ADGRG1: variants seen among roughly 807,000 people sequenced by gnomAD.
ADGRG1 encodes the protein 7-transmembrane protein with no EGF-like N-terminal domains-1.
Under a neutral mutation model 73.5 loss-of-function variants are expected in ADGRG1, and 53 were observed. That is an observed-to-expected ratio of 0.72 (90% CI 0.58 to 0.91). ADGRG1 has a LOEUF of 0.91. ADGRG1 is among the 40% of genes least tolerant of loss of function. The pLI, the probability that ADGRG1 is intolerant of heterozygous loss-of-function variation, is 0.00. For missense variants in ADGRG1, 795 were observed against 871.8 expected, an observed-to-expected ratio of 0.91 and a Z score of 1.11; for synonymous variants, 394 against 374.4, an observed-to-expected ratio of 1.05 and a Z score of -0.60.
chr16:57,655,143 A>G (rs2045349423), intron 5 of ADGRG1: 4 of 985,264 alleles, frequency 4.1e-6, no homozygotes, highest in African/African-American at 3.5e-5. Flanking sequence ...GCCCCAGACA[A>G]CAGAACATCA....
Position 57,628,955 on chromosome 16 carries a change from AGT to A in ADGRG1, c.-36+159_-36+160del, listed in dbSNP as rs1165432523. On this transcript the variant is annotated intron_variant, in intron 1 of 13. Coordinates refer to ENST00000562631, the MANE Select transcript of ADGRG1 (RefSeq NM_201525.4). ...GTGAGTGTGAGCGTGAGAGTGTGAGAGTGTGTGAGTGTGAGTGTGTGAGAGTG... is the reference window on the plus strand; with the variant it reads ...GTGAGTGTGAGCGTGAGAGTGTGAGAGTGTGAGTGTGAGTGTGTGAGAGTG... 4.3e-4 allele frequency: 263 copies of A among 613,634 alleles called. 8 individuals carry two copies. The African/African-American group carries it at 4.7e-3, about 11-fold the overall frequency. The allele number at this position is 613,634 out of a possible 1,614,324, so 38.0% of individuals were successfully genotyped here. A position where few individuals can be genotyped will look rare whatever the true frequency, so the allele number is the denominator to read the frequency against.
rs775208413 is a variant in ADGRG1, at chr16:57,651,311, A to G, written c.176A>G (p.Glu59Gly). 3.7e-6 allele frequency: 6 copies of G among 1,614,054 alleles called. No individual in the cohort carries two copies. In the African/African-American group the frequency reaches 8.0e-5, roughly 22 times the overall value. The change falls in exon 3 of 14, where the codon GAG becomes GGG. Residue 59 changes from glutamate to glycine, a missense_variant. Coordinates refer to ENST00000562631, the MANE Select transcript of ADGRG1 (RefSeq NM_201525.4). ...KPTPDLRISI[E>G]NSEEALTVHA... The stretch of plus-strand genomic sequence containing the variant: ...ACACCAGACCTGCGCATCTCCATCG[A>G]GAACTCCGAAGAGGCCCTCACAGTC...
chr16:57,632,176 C>T, intron 1 of ADGRG1: 4 of 985,470 alleles, frequency 4.1e-6, no homozygotes, highest in Non-Finnish European at 4.8e-6. Flanking sequence ...AGAATTTGGG[C>T]TCTTGTCCCT....
At chr16:57,628,571 C>T (rs2036370823), upstream of ADGRG1, 2 of 985,406 alleles carry the variant, frequency 2.0e-6, no homozygotes, top group African/African-American at 1.7e-5. Context: ...GAGGGAGGAG[C>T]CCAGCTGGGG....
chr16:57,626,342 C>CATAACAGATAGTGTTGTGTTT (rs2035817003), upstream of ADGRG1, among the ~76,000 whole-genome samples: 1 of 152,226 alleles, frequency 6.6e-6, no homozygotes, highest in Non-Finnish European at 1.5e-5. Context: ...TATCAGCACT[C>CATAACAGATAGTGTTGTGTTT]ATAACAGATA....
chr16:57,647,027 G>T lies in ADGRG1; in HGVS notation c.-35-3226G>T, dbSNP rs1288747005. On this transcript the variant is annotated intron_variant, in intron 1 of 13. Transcript: ENST00000562631. ...GGCAGAGACAGGTCAGGTCCCAGGGGTCTGTGCGGAGACTCATGCTACATC... is the reference window on the plus strand; with the variant it reads ...GGCAGAGACAGGTCAGGTCCCAGGGTTCTGTGCGGAGACTCATGCTACATC... 5.3e-6 allele frequency: 5 copies of T among 942,760 alleles called. No homozygotes were observed. The African/African-American group carries it at 5.7e-5, about 11-fold the overall frequency. The allele number at this position is 942,760 out of a possible 1,614,324, so 58.4% of individuals were successfully genotyped here.
intron 1 of ADGRG1, among the ~76,000 whole-genome samples, chr16:57,645,747 G>T (rs2042466817): frequency 6.6e-6 from 1 of 152,208 alleles, no homozygotes; most frequent in Non-Finnish European, 1.5e-5. Context: ...CTGCATTTCA[G>T]CTCACTCCCA....
intron 9 of ADGRG1, 131 bp downstream of exon 9, chr16:57,656,748 T>C (rs1784408209): frequency 1.5e-5 from 11 of 740,814 alleles, no homozygotes; most frequent in South Asian, 1.1e-4. Context: ...GTTGTCCCAT[T>C]TTATAGATGA....
chr16:57,634,910 C>T (rs1310085636), intron 1 of ADGRG1: 5 of 975,214 alleles, frequency 5.1e-6, no homozygotes, highest in Non-Finnish European at 6.1e-6. Flanking sequence ...AAACCCTCTT[C>T]ATAGCCTGGC....
At chr16:57,644,432 CCT>C (rs1320488414) in intron 1 of ADGRG1, among the ~76,000 whole-genome samples, 4 of 146,216 alleles carry the variant, frequency 2.7e-5, no homozygotes, top group East Asian at 2.1e-4. Context: ...GTCACACACT[CCT>C]CACACATTCA....
At chr16:57,630,336 G>A (rs2037434671) in intron 1 of ADGRG1, 10 of 983,876 alleles carry the variant, frequency 1.0e-5, no homozygotes, top group Non-Finnish European at 1.2e-5. Flanking sequence ...CAATGTCCAG[G>A]TGTGGAATGA....
intron 2 of ADGRG1, chr16:57,621,975 C>A: frequency 1.6e-6 from 1 of 633,168 alleles, no homozygotes; most frequent in Non-Finnish European, 2.0e-6. Context: ...AAAAGAGAAC[C>A]CAAGCTGGGT....
chr16:57,644,061 CA>C (rs1315688177), intron 1 of ADGRG1: 2 of 985,214 alleles, frequency 2.0e-6, no homozygotes, highest in African/African-American at 1.7e-5. Flanking sequence ...CCACGCCACC[CA>C]CCATGGAGGA....
chr16:57,659,692 G>A lies in ADGRG1; in HGVS notation c.1555+11G>A. The A allele has an allele frequency of 1.2e-6, 2 of 1,613,330 alleles. No individual in the cohort carries two copies. Among genetic ancestry groups the A allele is most frequent in the Non-Finnish European group, 1.7e-6 (2 of 1,179,766 alleles). Reference sequence around the variant, plus strand: ...GCGCCATGGGCTGGGGTAAGTGGTTGGGCGGGGGGTGCCTCAGACCTGCCT... The same window carrying A: ...GCGCCATGGGCTGGGGTAAGTGGTTAGGCGGGGGGTGCCTCAGACCTGCCT... On this transcript the variant is annotated intron_variant, in intron 11 of 13. Coordinates refer to ENST00000562631, the MANE Select transcript of ADGRG1 (RefSeq NM_201525.4).
At chr16:57,655,610 G>A in intron 6 of ADGRG1, 80 bp downstream of exon 6, 1 of 1,604,624 alleles carries the variant, frequency 6.2e-7, no homozygotes, top group Non-Finnish European at 8.5e-7. Flanking sequence ...ACGCAGATGA[G>A]CTCCTTCCTC....
Position 57,653,257 on chromosome 16 carries a change from G to T in ADGRG1, c.542G>T (p.Arg181Met). 1 of 1,612,902 alleles carries T rather than the reference G, an allele frequency of 6.2e-7. No homozygotes were observed. The change falls in exon 4 of 14, where the codon AGG becomes ATG. Residue 181 changes from arginine (R) to methionine (M), a missense_variant. By Grantham distance (91) the Arg-to-Met change is moderately conservative (BLOSUM62 -1). Coordinates refer to ENST00000562631, the MANE Select transcript of ADGRG1 (RefSeq NM_201525.4). ...TCGGTGGACATGTGCGAGCTCAAAA[G>T]GGACCTCCAGCTGCTCAGCCAGTTC... ...NASVDMCELK[R>M]DLQLLSQFLK...
upstream of ADGRG1, chr16:57,625,491 C>A (rs147125439): frequency 3.5e-4 from 284 of 823,070 alleles, 2 homozygotes; most frequent in African/African-American, 4.7e-3. Context: ...TCTCCTCCCC[C>A]GCTCTTCCCC....
chr16:57,623,673 C>A, upstream of ADGRG1: 1 of 424,684 alleles, frequency 2.4e-6, no homozygotes, highest in Non-Finnish European at 3.2e-6. Flanking sequence ...GGGAGGCGGG[C>A]CTAGGGAACC....
chr16:57,635,911 A>T, intron 1 of ADGRG1: 2 of 985,362 alleles, frequency 2.0e-6, no homozygotes, highest in Non-Finnish European at 2.4e-6. Context: ...GAAGCATGGG[A>T]GGCCAAGTGC....
Sources: allele counts gnomAD v4.1 joint callset (sites outside exome capture counted in the v4.1 genomes callset), GRCh38; gene constraint gnomAD v4.1.1; transcripts MANE v1.5; gene names NCBI Gene and HGNC (gene_info 2026-07-23, HGNC 2026-07-21).